KIR3DL1: variants seen among roughly 807,000 people sequenced by gnomAD.
KIR3DL1 encodes killer cell immunoglobulin like receptor, three Ig domains and long cytoplasmic tail 1.
A neutral mutation model predicts 40.3 loss-of-function variants in KIR3DL1; 50 were observed. That is an observed-to-expected ratio of 1.24 (90% CI 0.99 to 1.57). The LOEUF (loss-of-function observed/expected upper bound fraction) is 1.57. Among genes scored for constraint, KIR3DL1 ranks in the 40% most tolerant of loss-of-function variants. KIR3DL1 has a pLI of 0.00. For missense variants in KIR3DL1, 661 were observed against 559.9 expected, an observed-to-expected ratio of 1.18 and a Z score of -1.82; for synonymous variants, 257 against 207.2, an observed-to-expected ratio of 1.24 and a Z score of -2.07.
At chr19:54,824,969 C>G in intron 5 of KIR3DL1, 59 bp from the exon 6 acceptor site, 1 of 1,180,232 alleles carries the variant, frequency 8.5e-7, no homozygotes, top group South Asian at 1.2e-5. Context: ...TCAAAGATTT[C>G]CATTGAGTAG....
At chr19:54,827,375 G>T (rs1195500914) in intron 6 of KIR3DL1, among the ~76,000 whole-genome samples, 6 of 150,772 alleles carry the variant, frequency 4.0e-5, no homozygotes. Context: ...TGGATTCCAA[G>T]AAGTCAGGAG....
exon 5 of KIR3DL1, chr19:54,821,833 T>C: frequency 6.2e-7 from 1 of 1,602,612 alleles, no homozygotes. Context: ...CAGACCCGAG[T>C]GACCCACTGC....
rs2062101698 is a variant in KIR3DL1, at chr19:54,829,527, A to G, written c.1105+62A>G. ...CCATGTGGGGAAGCAGGATGGGAGC[A>G]CACAGCTGTGTGTTCCTCACTGGCA... is the stretch of plus-strand genomic sequence containing the variant. On this transcript the variant is annotated intron_variant, in intron 7 of 8. Coordinates refer to ENST00000391728, the Ensembl canonical transcript of KIR3DL1. 3.1e-6 allele frequency: 4 copies of G among 1,292,624 alleles called. 1 individual carries two copies. Among genetic ancestry groups the G allele is most frequent in the Non-Finnish European group, 4.3e-6 (4 of 931,090 alleles). 80.1% of individuals were successfully genotyped at this position (1,292,624 alleles called of 1,614,324 possible).
intron 6 of KIR3DL1, among the ~76,000 whole-genome samples, chr19:54,826,752 C>G (rs201014590): frequency 0.044 from 6,087 of 138,590 alleles, 97 homozygotes; most frequent in East Asian, 0.098. Flanking sequence ...GAAGGATTTT[C>G]CACACACAGC....
At position 54,829,360 on chromosome 19, in the gene KIR3DL1, G is replaced by C. The variant is rs2062083687; in HGVS notation, c.1001-1G>C. The stretch of plus-strand genomic sequence containing the variant: ...CTTACTGGTGTCTCCTCTTCTTCCA[G>C]GTAACCCCAGACACCTGCACATTCT... On this transcript the variant is annotated splice_acceptor_variant, in intron 6 of 8. Transcript: ENST00000391728. LOFTEE classifies it high-confidence loss of function. 6.8e-7 allele frequency: 1 copy of C among 1,477,166 alleles called. No homozygotes were observed. The highest frequency in any genetic ancestry group is 9.3e-7 in the Non-Finnish European group (1 of 1,077,352). 91.5% of individuals were successfully genotyped at this position (1,477,166 alleles called of 1,614,324 possible).
At chr19:54,817,601 C>T in intron 2 of KIR3DL1, 32 bp downstream of exon 2, 2 of 1,481,130 alleles carry the variant, frequency 1.4e-6, no homozygotes, top group Admixed American at 1.8e-5. Context: ...AGGGTGTCAT[C>T]TCCCCACATA....
chr19:54,827,242 T>G (rs777330926), intron 6 of KIR3DL1, among the ~76,000 whole-genome samples: 11 of 151,338 alleles, frequency 7.3e-5, no homozygotes, highest in Non-Finnish European at 1.5e-4. Context: ...AATCAATACC[T>G]GGCAAAGGAG....
At chr19:54,816,870 G>A (rs1294661053) in intron 1 of KIR3DL1, among the ~76,000 whole-genome samples, 15 of 101,676 alleles carry the variant, frequency 1.5e-4, no homozygotes, top group Admixed American at 6.4e-4. Context: ...GAAGTGGAGC[G>A]ATGGGCCTGG....
At chr19:54,827,030 T>C (rs1443522007) in intron 6 of KIR3DL1, among the ~76,000 whole-genome samples, 10 of 151,740 alleles carry the variant, frequency 6.6e-5, no homozygotes, top group African/African-American at 2.2e-4. Context: ...AACTGGAATC[T>C]AGGAGACAGT....
exon 3 of KIR3DL1, chr19:54,818,598 A>G: frequency 1.2e-6 from 2 of 1,608,542 alleles, no homozygotes; most frequent in Non-Finnish European, 1.7e-6. Context: ...TCATGGTCAC[A>G]GGTCAGAGGC....
At chr19:54,830,125 G>A (rs1359830395) in exon 9 of KIR3DL1, 1 of 1,524,222 alleles carries the variant, frequency 6.6e-7, no homozygotes, top group Non-Finnish European at 8.9e-7. Flanking sequence ...ACCCTGAGGA[G>A]GTGACATACG....
chr19:54,818,540 A>T, exon 3 of KIR3DL1: 1 of 1,611,460 alleles, frequency 6.2e-7, no homozygotes, highest in Non-Finnish European at 8.5e-7. Flanking sequence ...CGGGGTTCAC[A>T]CCCACACTCC....
In KIR3DL1 at chr19:54,817,579, TC is replaced by T; in HGVS notation, c.70+14del. On this transcript the variant is annotated intron_variant, in intron 2 of 8. Coordinates refer to ENST00000391728, the Ensembl canonical transcript of KIR3DL1. ...GCCGGTCCACACATGGGTGAGTCCTTCCCCAAACCTTAGGGTGTCATCTCCC... is the reference window on the plus strand; with the variant it reads ...GCCGGTCCACACATGGGTGAGTCCTTCCCAAACCTTAGGGTGTCATCTCCC... The T allele has an allele frequency of 6.6e-7, 1 of 1,509,772 alleles. No individual in the cohort carries two copies. 93.5% of individuals were successfully genotyped at this position (1,509,772 alleles called of 1,614,324 possible). A position where few individuals can be genotyped will look rare whatever the true frequency, so the allele number is the denominator to read the frequency against.
At chr19:54,829,604 G>C in intron 7 of KIR3DL1, 139 bp downstream of exon 7, 1 of 800,734 alleles carries the variant, frequency 1.2e-6, no homozygotes, top group Non-Finnish European at 1.9e-6. Context: ...TTTCTAGAGA[G>C]AGCACCAGAC....
rs2148150413 is a variant in KIR3DL1, at chr19:54,825,085, A to G, written c.1000+7A>G. 1.3e-6 allele frequency: 2 copies of G among 1,504,842 alleles called. No individual in the cohort carries two copies. The highest frequency in any genetic ancestry group is 1.1e-5 in the South Asian group (1 of 88,988). The allele number at this position is 1,504,842 out of a possible 1,614,324, so 93.2% of individuals were successfully genotyped here. On this transcript the variant is annotated splice_region_variant and intron_variant, in intron 6 of 8. Coordinates refer to ENST00000391728, the Ensembl canonical transcript of KIR3DL1. ...GAACCAAGCTCCAAATCTGGTGAGT[A>G]AAGGACCCCTCTTATCTCTGCTTTT... is the stretch of plus-strand genomic sequence containing the variant.
intron 3 of KIR3DL1, among the ~76,000 whole-genome samples, chr19:54,819,114 A>G (rs113082063): frequency 0.2 from 30,052 of 149,722 alleles, 3,352 homozygotes; most frequent in South Asian, 0.32. Context: ...CCCTGTAGAC[A>G]CCTTGATTTC....
intron 5 of KIR3DL1, among the ~76,000 whole-genome samples, chr19:54,824,682 AC>A (rs1363523000): frequency 7.0e-5 from 10 of 142,556 alleles, no homozygotes; most frequent in South Asian, 2.5e-4. Context: ...TCACACACAC[AC>A]ACAAAAAAAG....
intron 5 of KIR3DL1, among the ~76,000 whole-genome samples, chr19:54,824,293 T>C (rs2148142789): frequency 6.6e-6 from 1 of 151,632 alleles, no homozygotes; most frequent in Non-Finnish European, 1.5e-5. Context: ...GCAGTTTTAT[T>C]CCTCTGCATG....
chr19:54,826,424 C>T (rs895216221), intron 6 of KIR3DL1, among the ~76,000 whole-genome samples: 2 of 148,042 alleles, frequency 1.4e-5, no homozygotes, highest in South Asian at 4.3e-4. Context: ...AAGTGATTCT[C>T]CTGCCTCACC....
Sources: allele counts gnomAD v4.1 joint callset (sites outside exome capture counted in the v4.1 genomes callset), GRCh38; gene constraint gnomAD v4.1.1; transcripts MANE v1.5; gene names NCBI Gene and HGNC (gene_info 2026-07-23, HGNC 2026-07-21).